Variants in EEA1 observed in about 807,000 individuals in gnomAD.
The protein encoded by EEA1 is early endosome antigen 1, also known as early endosome antigen 1, 162kD.
Under a neutral mutation model 209.2 loss-of-function variants are expected in EEA1, and 111 were observed. That is an observed-to-expected ratio of 0.53 (90% confidence interval 0.45 to 0.62). EEA1 has a LOEUF of 0.62. Ranked by LOEUF, EEA1 falls within the 20% of genes least tolerant of loss-of-function variation. The pLI is 0.00. For synonymous variants in EEA1, 536 were observed against 540.6 expected, an observed-to-expected ratio of 0.99 and a Z score of 0.12; for missense variants, 1,343 against 1,530.8, an observed-to-expected ratio of 0.88 and a Z score of 2.05.
intron 18 of EEA1, 90 bp downstream of exon 18, chr12:92,808,927 C>T (rs1163899088): frequency 4.2e-6 from 5 of 1,181,158 alleles, no homozygotes; most frequent in African/African-American, 3.1e-5. Context: ...TCTTTAAGCA[C>T]TACGATAGCA....
intron 2 of EEA1, among the ~76,000 whole-genome samples, chr12:92,873,212 T>C (rs138892120): frequency 2.0e-5 from 3 of 152,294 alleles, no homozygotes; most frequent in African/African-American, 7.2e-5. Flanking sequence ...TTTTTGTGTA[T>C]ATAAAATACT....
chr12:92,835,793 C>T (rs1175220564), intron 10 of EEA1, among the ~76,000 whole-genome samples: 2 of 152,050 alleles, frequency 1.3e-5, no homozygotes, highest in African/African-American at 2.4e-5. Context: ...AAAAAATTAA[C>T]CAAAATCTAC....
intron 13 of EEA1, 126 bp from the exon 14 acceptor site, chr12:92,819,637 C>T (rs1460445678): frequency 5.1e-6 from 3 of 590,174 alleles, no homozygotes; most frequent in African/African-American, 1.9e-5. Context: ...AAAACTATTA[C>T]ATTTCAATAT....
intron 3 of EEA1, chr12:92,859,236 C>G (rs1878023879): frequency 6.2e-7 from 1 of 1,612,320 alleles, no homozygotes; most frequent in South Asian, 1.1e-5. Flanking sequence ...TTGGTAGGGA[C>G]AGCTTCCCAT....
chr12:92,865,380 A>G (rs1234673348), intron 2 of EEA1, among the ~76,000 whole-genome samples: 1 of 142,744 alleles, frequency 7.0e-6, no homozygotes, highest in Non-Finnish European at 1.5e-5. Flanking sequence ...AATGCTATGA[A>G]AAAAAAAAAA....
At chr12:92,865,634 A>G (rs755306632) in intron 2 of EEA1, among the ~76,000 whole-genome samples, 1 of 152,124 alleles carries the variant, frequency 6.6e-6, no homozygotes, top group African/African-American at 2.4e-5. Flanking sequence ...AGATGCTGAT[A>G]AAGATCCATG....
rs1565800259 is a variant in EEA1 at position 92,771,162 on chromosome 12, T to A, written c.*4849A>T. ...ACATTCAAGGAACTAGTTCTTAGGG[T>A]CAGATTATTGCATCAAAGGGAAGTC... is the stretch of plus-strand genomic sequence containing the variant. On this transcript the variant is annotated 3_prime_UTR_variant, in exon 29 of 29. Transcript: ENST00000322349. 1 of 152,120 alleles carries A rather than the reference T, an allele frequency of 6.6e-6. No individual in the cohort carries two copies. The highest frequency in any genetic ancestry group is 2.4e-5 in the African/African-American group (1 of 41,432). The allele number at this position is 152,120 out of a possible 1,614,324, so 9.4% of individuals were successfully genotyped here.
intron 2 of EEA1, among the ~76,000 whole-genome samples, chr12:92,876,020 C>T (rs1240653497): frequency 2.0e-5 from 3 of 152,068 alleles, no homozygotes; most frequent in African/African-American, 7.2e-5. Flanking sequence ...TTATATGCCT[C>T]CTTTCCTGCT....
rs1335066598 is a variant in EEA1 at position 92,920,821 on chromosome 12, A to G, written c.24+8222T>C. On this transcript the variant is annotated intron_variant, in intron 1 of 28. Coordinates refer to ENST00000322349, the MANE Select transcript of EEA1 (RefSeq NM_003566.4). ...TCAGAGTGAACAGGCAACCTACAAA[A>G]TGGGAGAAAATTTTCGCAACCTACT... Among the ~76,000 whole-genome samples, 6 of 150,604 alleles carry G rather than the reference A, an allele frequency of 4.0e-5. No homozygotes were observed. In the South Asian group the frequency reaches 8.4e-4, roughly 21 times the overall value.
intron 1 of EEA1, among the ~76,000 whole-genome samples, chr12:92,899,151 G>A (rs1249152923): frequency 6.7e-6 from 1 of 150,192 alleles, no homozygotes. Flanking sequence ...AAAAATGAGA[G>A]GAGCTGGATA....
chr12:92,890,786 C>G (rs1879628721), intron 2 of EEA1, among the ~76,000 whole-genome samples: 1 of 152,112 alleles, frequency 6.6e-6, no homozygotes, highest in Non-Finnish European at 1.5e-5. Flanking sequence ...AATACATACA[C>G]ATGGAGACAA....
In EEA1 at chr12:92,929,130, C is replaced by G; in HGVS notation, c.-64G>C. 1 of 1,518,636 alleles carries G rather than the reference C, an allele frequency of 6.6e-7. No homozygotes were observed. The highest frequency in any genetic ancestry group is 1.2e-5 in the South Asian group (1 of 82,856). 94.1% of individuals were successfully genotyped at this position (1,518,636 alleles called of 1,614,324 possible). A position where few individuals can be genotyped will look rare whatever the true frequency, so the allele number is the denominator to read the frequency against. On this transcript the variant is annotated 5_prime_UTR_variant, in exon 1 of 29. Coordinates refer to ENST00000322349, the MANE Select transcript of EEA1 (RefSeq NM_003566.4). ...AGACCCTGCGCGGGGCCACTCACTA[C>G]TCGGGGTGCGCGGGCGGGAGGGACT...
chr12:92,871,526 G>C (rs1878646335), intron 2 of EEA1, among the ~76,000 whole-genome samples: 1 of 152,174 alleles, frequency 6.6e-6, no homozygotes, highest in African/African-American at 2.4e-5. Context: ...ATAAGGGGCA[G>C]ATGAAACCCT....
At chr12:92,912,743 C>T (rs574105742) in intron 1 of EEA1, among the ~76,000 whole-genome samples, 1 of 152,092 alleles carries the variant, frequency 6.6e-6, no homozygotes, top group Admixed American at 6.6e-5. Context: ...TCCATCTTTA[C>T]GTCTATCTGT....
At chr12:92,782,775 CCCTAGGCAGG>C (rs1873958614) in intron 22 of EEA1, among the ~76,000 whole-genome samples, 1 of 152,184 alleles carries the variant, frequency 6.6e-6, no homozygotes, top group Non-Finnish European at 1.5e-5. Context: ...TTCCACTGGT[CCCTAGGCAGG>C]CCTCTAATCT....
intron 17 of EEA1, among the ~76,000 whole-genome samples, chr12:92,809,608 C>T (rs949138501): frequency 6.7e-6 from 1 of 149,508 alleles, no homozygotes; most frequent in Admixed American, 6.7e-5. Flanking sequence ...GGCAGGAGAA[C>T]GGCTTGAACC....
chr12:92,788,071 T>A, intron 21 of EEA1, 22 bp from the exon 22 acceptor site: 1 of 1,505,620 alleles, frequency 6.6e-7, no homozygotes, highest in East Asian at 2.4e-5. Context: ...AATAGTTATT[T>A]AAAACAGTAT....
rs994502925 is a variant in EEA1 at position 92,772,415 on chromosome 12, A to C, written c.*3596T>G. The C allele has an allele frequency of 1.3e-5, 2 of 151,882 alleles. No homozygotes were observed. The highest frequency in any genetic ancestry group is 2.9e-5 in the Non-Finnish European group (2 of 67,804). 9.4% of individuals were successfully genotyped at this position (151,882 alleles called of 1,614,324 possible). On this transcript the variant is annotated 3_prime_UTR_variant, in exon 29 of 29. Coordinates refer to ENST00000322349, the MANE Select transcript of EEA1 (RefSeq NM_003566.4). ...CACCACTGTCTATATCCAAGTGCAA[A>C]GTCCTAATATTCTGTAAATAAATTA...
At chr12:92,912,257 T>C (rs2244302) in intron 1 of EEA1, among the ~76,000 whole-genome samples, 137,137 of 152,222 alleles carry the variant, frequency 0.9, 62,006 homozygotes, top group East Asian at 0.96. Flanking sequence ...AGTGGTAGTT[T>C]GTTATGGTAA....
Sources: gnomAD v4.1 joint callset for allele counts (sites outside exome capture counted in the v4.1 genomes callset) on GRCh38, gnomAD v4.1.1 for gene constraint, MANE v1.5 for transcripts, NCBI Gene and HGNC (gene_info 2026-07-23, HGNC 2026-07-21) for gene names.